Variants in LIN9 observed in about 807,000 individuals in gnomAD.
The protein encoded by LIN9 is protein lin-9 homolog.
A neutral mutation model predicts 78.0 loss-of-function variants in LIN9; 18 were observed. That is an observed-to-expected ratio of 0.23 (90% CI 0.16 to 0.34). LIN9 has a LOEUF of 0.34. LIN9 is among the 10% of genes least tolerant of loss of function. LIN9 has a pLI of 1.00. For missense variants in LIN9, 451 were observed against 644.1 expected (o/e 0.70, Z 3.25); for synonymous variants, 192 against 215.2 (o/e 0.89, Z 0.94).
chr1:226,258,715 C>T lies in LIN9; in HGVS notation c.1038+6818G>A, dbSNP rs558048020. ...ACTGTCCTGGCTAACACGGTGAAAC[C>T]CCGTCTCTACTAAAAATACAAAAAA... On this transcript the variant is annotated intron_variant, in intron 10 of 14. Transcript: ENST00000681046. 1.8e-3 allele frequency among the ~76,000 whole-genome samples: 269 copies of T among 150,812 alleles called. 1 individual carries two copies. The highest frequency in any genetic ancestry group is 0.014 in the Middle Eastern group (4 of 294).
At chr1:226,285,975 C>T (rs1433704437) in intron 6 of LIN9, among the ~76,000 whole-genome samples, 1 of 152,076 alleles carries the variant, frequency 6.6e-6, no homozygotes, top group South Asian at 2.1e-4. Flanking sequence ...TACGTATAAA[C>T]AGCACCTACA....
At chr1:226,247,470 C>T (rs577521357) in intron 11 of LIN9, among the ~76,000 whole-genome samples, 47 of 152,132 alleles carry the variant, frequency 3.1e-4, no homozygotes, top group Non-Finnish European at 6.2e-4. Context: ...CTTCTCCCAA[C>T]CCTTGGTGGG....
At chr1:226,270,058 G>A (rs1275097588) in intron 7 of LIN9, among the ~76,000 whole-genome samples, 2 of 152,062 alleles carry the variant, frequency 1.3e-5, no homozygotes, top group African/African-American at 4.8e-5. Flanking sequence ...GAGTAGCTGG[G>A]ATTACAAGTG....
At position 226,238,953 on chromosome 1, in the gene LIN9, T is replaced by G. The variant is rs1215164629; in HGVS notation, c.1245+18A>C. ...CTTCAAATACAAATATGGAGGGAAATCTATACATATCACTTACCTCATAGC... is the reference window on the plus strand; with the variant it reads ...CTTCAAATACAAATATGGAGGGAAAGCTATACATATCACTTACCTCATAGC... On this transcript the variant is annotated intron_variant, in intron 12 of 14. Coordinates refer to ENST00000681046, the MANE Select transcript of LIN9 (RefSeq NM_001366245.2). 2.5e-6 allele frequency: 4 copies of G among 1,601,062 alleles called. No individual in the cohort carries two copies. In the African/African-American group the frequency reaches 4.0e-5, roughly 16 times the overall value.
chr1:226,305,315 G>GAAAAAAAAAAAAAAAAAAAAAAA (rs111859953), intron 1 of LIN9, among the ~76,000 whole-genome samples: 4 of 77,492 alleles, frequency 5.2e-5, no homozygotes, highest in African/African-American at 2.0e-4. Context: ...ACAAAAAAAA[G>GAAAAAAAAAAAAAAAAAAAAAAA]AAAAAAAAAA....
At chr1:226,309,059 G>A (rs778934304) in intron 1 of LIN9, 50 bp downstream of exon 1, 2 of 1,305,380 alleles carry the variant, frequency 1.5e-6, no homozygotes, top group Admixed American at 3.1e-5. Context: ...TGCAACCGCT[G>A]GGCAAGCAGC....
At position 226,298,248 on chromosome 1, in the gene LIN9, G is replaced by A. The variant is rs1222257049; in HGVS notation, c.65-435C>T. On this transcript the variant is annotated intron_variant, in intron 2 of 14. Transcript: ENST00000681046. ...TGTGAGACAGAGTACTTGCTCCATC[G>A]CCCAGGCTGGAGTGCAGTGGCACAA... Among the ~76,000 whole-genome samples, 5 of 151,978 alleles carry A rather than the reference G, an allele frequency of 3.3e-5. No individual in the cohort carries two copies. In the South Asian group the frequency reaches 6.3e-4, roughly 19 times the overall value.
intron 12 of LIN9, 39 bp downstream of exon 12, chr1:226,238,932 A>G: frequency 2.5e-6 from 4 of 1,583,900 alleles, no homozygotes; most frequent in Non-Finnish European, 2.6e-6. Flanking sequence ...ATTAAGCTTC[A>G]AATACAAATA....
intron 11 of LIN9, among the ~76,000 whole-genome samples, chr1:226,242,884 T>C (rs965227541): frequency 7.9e-6 from 1 of 127,282 alleles, no homozygotes; most frequent in Non-Finnish European, 1.6e-5. Flanking sequence ...ATAATGAATA[T>C]GTTTTCTTTA....
At chr1:226,302,054 G>A (rs1251643156) in intron 1 of LIN9, among the ~76,000 whole-genome samples, 1 of 152,140 alleles carries the variant, frequency 6.6e-6, no homozygotes. Flanking sequence ...GACAGACAGA[G>A]TACGACTCTG....
intron 7 of LIN9, 79 bp downstream of exon 7, chr1:226,277,696 A>G (rs939043802): frequency 2.7e-5 from 35 of 1,281,376 alleles, no homozygotes; most frequent in Non-Finnish European, 3.3e-5. Flanking sequence ...ATGAAATAAA[A>G]TAAGAACCAA....
intron 6 of LIN9, among the ~76,000 whole-genome samples, chr1:226,278,398 C>T (rs1660803304): frequency 6.6e-6 from 1 of 151,614 alleles, no homozygotes. Flanking sequence ...CACTGCACTC[C>T]AGCCTGGGCG....
chr1:226,260,094 C>A (rs1365902513), intron 10 of LIN9, among the ~76,000 whole-genome samples: 2 of 152,086 alleles, frequency 1.3e-5, no homozygotes, highest in South Asian at 4.1e-4. Flanking sequence ...ATCCTATGGA[C>A]TTTAAAAAGA....
chr1:226,260,403 T>C (rs1420813401), intron 10 of LIN9, among the ~76,000 whole-genome samples: 1 of 151,988 alleles, frequency 6.6e-6, no homozygotes, highest in Non-Finnish European at 1.5e-5. Flanking sequence ...CCAGGCACAA[T>C]GGAATGTACT....
chr1:226,289,848 GGGGGGGGT>G (rs1558198159), intron 4 of LIN9, among the ~76,000 whole-genome samples: 5 of 68,208 alleles, frequency 7.3e-5, no homozygotes, highest in African/African-American at 2.6e-4. Context: ...GGGGGGGGTG[GGGGGGGGT>G]GGGAAAGCTA....
intron 10 of LIN9, among the ~76,000 whole-genome samples, chr1:226,253,745 ATC>A (rs1299166957): frequency 6.6e-6 from 1 of 151,770 alleles, no homozygotes; most frequent in Non-Finnish European, 1.5e-5. Context: ...GTAAAACCCC[ATC>A]TCTACTAAAA....
intron 10 of LIN9, among the ~76,000 whole-genome samples, chr1:226,260,592 T>C (rs948820460): frequency 1.5e-4 from 22 of 146,910 alleles, no homozygotes; most frequent in Admixed American, 4.1e-4. Context: ...TTGAATCCAA[T>C]GATGTATAAA....
At position 226,268,843 on chromosome 1, in the gene LIN9, C is replaced by T. The variant is rs374736998; in HGVS notation, c.683-753G>A. 4.6e-5 allele frequency among the ~76,000 whole-genome samples: 7 copies of T among 152,280 alleles called. No homozygotes were observed. In the East Asian group the frequency reaches 7.7e-4, roughly 17 times the overall value. The stretch of plus-strand genomic sequence containing the variant: ...GGGAGAGGACTTTTGAAAACTTGCA[C>T]GTGGTTTCCTCTGGACTTTGCCCCA... On this transcript the variant is annotated intron_variant, in intron 7 of 14. Coordinates refer to ENST00000681046, the MANE Select transcript of LIN9 (RefSeq NM_001366245.2).
chr1:226,258,596 A>G (rs915680845), intron 10 of LIN9, among the ~76,000 whole-genome samples: 1 of 151,676 alleles, frequency 6.6e-6, no homozygotes, highest in East Asian at 1.9e-4. Context: ...TCAGGAATAA[A>G]AAGGGGCATT....
Sources: allele counts gnomAD v4.1 joint callset (sites outside exome capture counted in the v4.1 genomes callset), GRCh38; gene constraint gnomAD v4.1.1; transcripts MANE v1.5; gene names NCBI Gene and HGNC (gene_info 2026-07-23, HGNC 2026-07-21).